SLC4A10: variants seen among roughly 807,000 people sequenced by gnomAD.
SLC4A10 encodes solute carrier family 4 member 10.
In SLC4A10, 42 loss-of-function variants were observed where a neutral mutation model predicts 137.7. That is an observed-to-expected ratio of 0.30 (90% CI 0.24 to 0.39). SLC4A10 has a LOEUF of 0.39. Ranked by LOEUF, SLC4A10 falls within the 10% of genes least tolerant of loss-of-function variation. The probability of loss-of-function intolerance (pLI) is 1.00; values close to 1 mark genes in which losing one functional copy is unlikely to be tolerated. For synonymous variants in SLC4A10, 474 were observed against 464.1 expected, an observed-to-expected ratio of 1.02 and a Z score of -0.27; for missense variants, 925 against 1,355.0, an observed-to-expected ratio of 0.68 and a Z score of 4.98.
At chr2:161,703,261 G>GA (rs1280926836) in intron 1 of SLC4A10, among the ~76,000 whole-genome samples, 13 of 151,474 alleles carry the variant, frequency 8.6e-5, no homozygotes, top group Admixed American at 8.6e-4. Context: ...TTGAAAAATG[G>GA]AAAAAATGGG....
chr2:161,813,045 C>G (rs3849345), intron 3 of SLC4A10, among the ~76,000 whole-genome samples: 2 of 151,850 alleles, frequency 1.3e-5, no homozygotes, highest in Non-Finnish European at 2.9e-5. Flanking sequence ...TTCCTGAATA[C>G]TTTTTATTTT....
intron 3 of SLC4A10, among the ~76,000 whole-genome samples, chr2:161,805,625 G>A (rs1046480840): frequency 6.6e-6 from 1 of 152,188 alleles, no homozygotes; most frequent in Non-Finnish European, 1.5e-5. Context: ...AATCCAGCAA[G>A]GCAATCAAAT....
At chr2:161,711,818 G>A (rs1391423280) in intron 1 of SLC4A10, among the ~76,000 whole-genome samples, 1 of 151,756 alleles carries the variant, frequency 6.6e-6, no homozygotes, top group Admixed American at 6.6e-5. Flanking sequence ...ATCTTGGCTT[G>A]TTTCCTGATG....
intron 15 of SLC4A10, among the ~76,000 whole-genome samples, chr2:161,934,490 G>A (rs1198392396): frequency 6.6e-6 from 1 of 152,152 alleles, no homozygotes; most frequent in East Asian, 1.9e-4. Context: ...TGACACAAAT[G>A]ACAGGATCTC....
At position 161,935,006 on chromosome 2, in the gene SLC4A10, G is replaced by A. The variant is rs113418690; in HGVS notation, c.1998-7786G>A. 1.2e-4 allele frequency among the ~76,000 whole-genome samples: 18 copies of A among 152,140 alleles called. 1 individual carries two copies. Among genetic ancestry groups the A allele is most frequent in the African/African-American group, 3.9e-4 (16 of 41,524 alleles). On this transcript the variant is annotated intron_variant, in intron 15 of 26. Coordinates refer to ENST00000446997, the MANE Select transcript of SLC4A10 (RefSeq NM_001178015.2). The stretch of plus-strand genomic sequence containing the variant: ...GGGGTTAAATCCAAAAAAAAATTAT[G>A]CAGACAAATGGCAATGTTTTCTTAT...
At chr2:161,902,179 C>T (rs1683265067) in intron 12 of SLC4A10, 1 of 429,384 alleles carries the variant, frequency 2.3e-6, no homozygotes, top group Non-Finnish European at 4.6e-6. Context: ...TGAACTCCCA[C>T]TTCCGGATTT....
rs373674789 is a variant in SLC4A10 at position 161,658,742 on chromosome 2, C to T, written c.48+34176C>T. 1.4e-4 allele frequency among the ~76,000 whole-genome samples: 22 copies of T among 152,010 alleles called. No homozygotes were observed. The East Asian group carries it at 3.3e-3, about 23-fold the overall frequency. On this transcript the variant is annotated intron_variant, in intron 1 of 26. Transcript: ENST00000446997. ...GGTAACTGGGGTTACAGGTGCATGC[C>T]ACCATGCCCAGCTAATTTTTGGATT...
At chr2:161,939,061 G>A (rs1692158162) in intron 15 of SLC4A10, among the ~76,000 whole-genome samples, 1 of 151,764 alleles carries the variant, frequency 6.6e-6, no homozygotes, top group East Asian at 1.9e-4. Context: ...TTATAAATAT[G>A]GATTTAGCTA....
intron 15 of SLC4A10, among the ~76,000 whole-genome samples, chr2:161,924,091 C>CA (rs1464578325): frequency 1.3e-5 from 2 of 152,094 alleles, no homozygotes; most frequent in Non-Finnish European, 2.9e-5. Context: ...ATGAGATTAA[C>CA]AAAAAAGCTT....
At chr2:161,745,089 G>A (rs184870435) in intron 1 of SLC4A10, among the ~76,000 whole-genome samples, 32 of 152,164 alleles carry the variant, frequency 2.1e-4, no homozygotes, top group Middle Eastern at 3.4e-3. Flanking sequence ...TTTGAATATT[G>A]ATATTTTTCT....
intron 3 of SLC4A10, among the ~76,000 whole-genome samples, chr2:161,807,256 T>G (rs2056082206): frequency 6.6e-6 from 1 of 152,184 alleles, no homozygotes; most frequent in African/African-American, 2.4e-5. Context: ...CCATATCAAA[T>G]GTGAACCTTT....
chr2:161,835,947 A>G (rs1054539911), intron 3 of SLC4A10, among the ~76,000 whole-genome samples: 105 of 152,350 alleles, frequency 6.9e-4, no homozygotes, highest in Non-Finnish European at 2.6e-4. Context: ...GATTGGTCCC[A>G]TCCTTCTGCT....
chr2:161,660,712 G>A (rs1397732304), intron 1 of SLC4A10, among the ~76,000 whole-genome samples: 1 of 148,650 alleles, frequency 6.7e-6, no homozygotes, highest in African/African-American at 2.5e-5. Flanking sequence ...GGAGTGCAGT[G>A]ACACGACCTT....
At chr2:161,890,486 A>G (rs1435196268) in intron 10 of SLC4A10, among the ~76,000 whole-genome samples, 1 of 152,170 alleles carries the variant, frequency 6.6e-6, no homozygotes, top group East Asian at 1.9e-4. Context: ...TATTGGGTGC[A>G]TATATATTTA....
At chr2:161,764,667 T>C (rs2050605803) in intron 1 of SLC4A10, among the ~76,000 whole-genome samples, 1 of 152,122 alleles carries the variant, frequency 6.6e-6, no homozygotes, top group South Asian at 2.1e-4. Flanking sequence ...AAGAGATTAA[T>C]GATATTCACA....
At chr2:161,785,797 T>C (rs968451620) in intron 2 of SLC4A10, among the ~76,000 whole-genome samples, 16 of 151,938 alleles carry the variant, frequency 1.1e-4, no homozygotes, top group Admixed American at 4.6e-4. Context: ...GGATGTCTAC[T>C]CTTGCTACTT....
At chr2:161,827,506 A>G (rs2058090753) in intron 3 of SLC4A10, among the ~76,000 whole-genome samples, 1 of 152,030 alleles carries the variant, frequency 6.6e-6, no homozygotes, top group East Asian at 1.9e-4. Flanking sequence ...AGGTAATTCT[A>G]TATCATCATT....
chr2:161,632,659 C>T (rs184491766), intron 1 of SLC4A10, among the ~76,000 whole-genome samples: 1 of 151,424 alleles, frequency 6.6e-6, no homozygotes, highest in African/African-American at 2.4e-5. Flanking sequence ...GGACCACCTG[C>T]ATCAGAATTG....
chr2:161,980,549 T>C (rs956643542), intron 26 of SLC4A10, among the ~76,000 whole-genome samples: 1 of 152,126 alleles, frequency 6.6e-6, no homozygotes, highest in African/African-American at 2.4e-5. Flanking sequence ...CTCAGGAGGC[T>C]GAGGCAGGAG....
Sources: gnomAD v4.1 joint callset for allele counts (sites outside exome capture counted in the v4.1 genomes callset) on GRCh38, gnomAD v4.1.1 for gene constraint, MANE v1.5 for transcripts, NCBI Gene and HGNC (gene_info 2026-07-23, HGNC 2026-07-21) for gene names.